Variants in MAPK10 observed in about 807,000 individuals in gnomAD.
The protein encoded by MAPK10 is JNK3 alpha protein kinase.
MAPK10 carries 25 observed loss-of-function variants against 59.3 expected under a neutral mutation model. The observed-to-expected ratio is 0.42, with a 90% CI of 0.31 to 0.59. MAPK10 has a LOEUF of 0.59. Among genes scored for constraint, MAPK10 ranks in the 20% least tolerant of loss-of-function variants. MAPK10 has a pLI of 0.15. For missense variants in MAPK10, 351 were observed against 568.9 expected (o/e 0.62, Z 3.90); for synonymous variants, 190 against 200.5 (o/e 0.95, Z 0.44).
intron 4 of MAPK10, chr4:86,120,456 C>A (rs761428808): frequency 4.6e-5 from 7 of 152,220 alleles, no homozygotes; most frequent in Non-Finnish European, 1.0e-4. Flanking sequence ...ATGGGACCAG[C>A]TCAGCAGCTC....
chr4:86,402,058 G>A (rs1191611006), intron 1 of MAPK10, among the ~76,000 whole-genome samples: 2 of 152,086 alleles, frequency 1.3e-5, no homozygotes, highest in Non-Finnish European at 2.9e-5. Context: ...GACCTGTGCT[G>A]AAACAAGGAA....
intron 1 of MAPK10, among the ~76,000 whole-genome samples, chr4:86,490,063 T>G (rs890121770): frequency 2.0e-5 from 3 of 152,214 alleles, no homozygotes; most frequent in African/African-American, 7.2e-5. Flanking sequence ...TCCTCCTGGC[T>G]ATTCTACTGT....
At chr4:86,114,637 G>T (rs946442693) in intron 4 of MAPK10, among the ~76,000 whole-genome samples, 2 of 152,200 alleles carry the variant, frequency 1.3e-5, no homozygotes, top group African/African-American at 4.8e-5. Context: ...AACCCCTGTT[G>T]GGAGGTCTCA....
At chr4:86,513,207 T>C (rs1756415001) in intron 1 of MAPK10, among the ~76,000 whole-genome samples, 1 of 151,886 alleles carries the variant, frequency 6.6e-6, no homozygotes, top group African/African-American at 2.4e-5. Context: ...ACCACTATGC[T>C]CAATTTATTT....
chr4:86,048,819 T>C (rs961843558), intron 11 of MAPK10, among the ~76,000 whole-genome samples: 1 of 152,274 alleles, frequency 6.6e-6, no homozygotes, highest in East Asian at 1.9e-4. Context: ...ATGTAATAAT[T>C]TTTTTAATTC....
chr4:86,126,745 T>C (rs2060138534), intron 4 of MAPK10, among the ~76,000 whole-genome samples: 1 of 152,072 alleles, frequency 6.6e-6, no homozygotes, highest in Non-Finnish European at 1.5e-5. Context: ...TATCTTAAAA[T>C]TAGTATGCCC....
At chr4:86,108,193 T>C (rs1409958644) in intron 4 of MAPK10, among the ~76,000 whole-genome samples, 1 of 152,044 alleles carries the variant, frequency 6.6e-6, no homozygotes, top group Admixed American at 6.6e-5. Context: ...CACACCGAGA[T>C]TGAAAATTTA....
intron 2 of MAPK10, among the ~76,000 whole-genome samples, chr4:86,239,515 T>C (rs2092554098): frequency 6.6e-6 from 1 of 152,136 alleles, no homozygotes; most frequent in Non-Finnish European, 1.5e-5. Context: ...AATTACAACC[T>C]CAATTTCAGA....
intron 11 of MAPK10, among the ~76,000 whole-genome samples, chr4:86,048,170 A>G (rs2042858304): frequency 6.6e-6 from 1 of 152,094 alleles, no homozygotes; most frequent in South Asian, 2.1e-4. Context: ...TACTGACCAT[A>G]CACTATGCAC....
intron 1 of MAPK10, among the ~76,000 whole-genome samples, chr4:86,489,385 C>G (rs886281482): frequency 1.3e-5 from 2 of 152,138 alleles, no homozygotes; most frequent in Non-Finnish European, 2.9e-5. Context: ...CACTCCCCAC[C>G]GAAAGGCTGA....
intron 2 of MAPK10, among the ~76,000 whole-genome samples, chr4:86,266,068 T>C (rs2094221408): frequency 6.6e-6 from 1 of 152,204 alleles, no homozygotes; most frequent in Non-Finnish European, 1.5e-5. Context: ...AGAAATGTGG[T>C]AAACTTGTTT....
intron 4 of MAPK10, among the ~76,000 whole-genome samples, chr4:86,142,427 A>ATCAT (rs1034378360): frequency 5.3e-5 from 8 of 152,172 alleles, no homozygotes; most frequent in East Asian, 1.9e-4. Flanking sequence ...GGATTCATTC[A>ATCAT]TCATTCATTC....
intron 1 of MAPK10, among the ~76,000 whole-genome samples, chr4:86,387,451 T>C (rs559240165): frequency 3.9e-4 from 59 of 152,288 alleles, no homozygotes; most frequent in Non-Finnish European, 7.6e-4. Context: ...ACTATTTAGG[T>C]TGTGCAAGGC....
At chr4:86,022,856 T>C (rs1005308317) in intron 13 of MAPK10, among the ~76,000 whole-genome samples, 2 of 152,238 alleles carry the variant, frequency 1.3e-5, no homozygotes, top group Admixed American at 1.3e-4. Context: ...TAATGAGATA[T>C]GTATTTTCAA....
chr4:86,182,367 C>G (rs2077107898), intron 3 of MAPK10, among the ~76,000 whole-genome samples: 1 of 152,118 alleles, frequency 6.6e-6, no homozygotes, highest in African/African-American at 2.4e-5. Context: ...TGATTTCTTG[C>G]AGACAATAGT....
intron 1 of MAPK10, among the ~76,000 whole-genome samples, chr4:86,481,225 C>G (rs1579356288): frequency 6.6e-6 from 1 of 152,126 alleles, no homozygotes. Flanking sequence ...AAGAAGAATT[C>G]TAGCTTCTAT....
At chr4:86,093,657 G>A (rs1432308892) in intron 9 of MAPK10, among the ~76,000 whole-genome samples, 1 of 151,768 alleles carries the variant, frequency 6.6e-6, no homozygotes, top group Non-Finnish European at 1.5e-5. Context: ...ACAATTCGCA[G>A]AACTTAATGC....
At chr4:86,504,996 A>G (rs1357834454) in intron 1 of MAPK10, among the ~76,000 whole-genome samples, 2 of 152,152 alleles carry the variant, frequency 1.3e-5, no homozygotes, top group East Asian at 3.9e-4. Context: ...TGCATCCTCC[A>G]TAAATACAAC....
At chr4:86,052,731 G>C (rs1202184258) in intron 11 of MAPK10, among the ~76,000 whole-genome samples, 1 of 152,130 alleles carries the variant, frequency 6.6e-6, no homozygotes, top group Non-Finnish European at 1.5e-5. Flanking sequence ...GTCTTCCTCT[G>C]TCACCTAGGC....
Sources: gnomAD v4.1 joint callset for allele counts (sites outside exome capture counted in the v4.1 genomes callset) on GRCh38, gnomAD v4.1.1 for gene constraint, MANE v1.5 for transcripts, NCBI Gene and HGNC (gene_info 2026-07-23, HGNC 2026-07-21) for gene names.